The following TENM3 variants were observed in gnomAD, a reference collection of about 807,000 sequenced individuals.
The protein encoded by TENM3 is teneurin-3.
Under a neutral mutation model 255.1 loss-of-function variants are expected in TENM3, and 63 were observed. The observed-to-expected ratio is 0.25, with a 90% CI of 0.20 to 0.30. TENM3 has a LOEUF of 0.30. TENM3 is among the 10% of genes least tolerant of loss of function. TENM3 has a pLI of 1.00. For missense variants in TENM3, 2,929 were observed against 3,461.1 expected (o/e 0.85, Z 3.86); for synonymous variants, 1,306 against 1,322.3 (o/e 0.99, Z 0.27).
chr4:182,255,168 T>A (rs184337122), intron 1 of TENM3, among the ~76,000 whole-genome samples: 2 of 152,302 alleles, frequency 1.3e-5, no homozygotes, highest in East Asian at 3.9e-4. Flanking sequence ...GACAGCCCTG[T>A]GGGACCCTGT....
the TENM3 span, among the ~76,000 whole-genome samples, chr4:181,633,600 A>G: frequency 2.0e-5 from 3 of 152,174 alleles, no homozygotes; most frequent in East Asian, 1.9e-4. Flanking sequence ...AATCTAAAAG[A>G]TGTCTCTTCA....
the TENM3 span, among the ~76,000 whole-genome samples, chr4:181,773,262 T>C: frequency 6.6e-6 from 1 of 152,202 alleles, no homozygotes; most frequent in Non-Finnish European, 1.5e-5. Context: ...TCTTTCTCTT[T>C]ACTTTGTAGA....
the TENM3 span, among the ~76,000 whole-genome samples, chr4:181,520,103 G>T: frequency 6.6e-6 from 1 of 152,140 alleles, no homozygotes; most frequent in Non-Finnish European, 1.5e-5. Flanking sequence ...CTACAAGATG[G>T]TGGCAAAGCC....
intron 3 of TENM3, among the ~76,000 whole-genome samples, chr4:182,556,421 T>G (rs1017415398): frequency 1.3e-5 from 2 of 152,166 alleles, no homozygotes; most frequent in African/African-American, 4.8e-5. Context: ...GTTTATTGCA[T>G]TACAAACTCA....
At chr4:182,174,903 GAA>G (rs1344545419) in intron 1 of TENM3, among the ~76,000 whole-genome samples, 1 of 151,708 alleles carries the variant, frequency 6.6e-6, no homozygotes, top group African/African-American at 2.4e-5. Flanking sequence ...CTTTTTTAAA[GAA>G]AAGTTTTATT....
intron 1 of TENM3, among the ~76,000 whole-genome samples, chr4:182,254,325 C>T (rs1447706270): frequency 7.5e-6 from 1 of 132,598 alleles, no homozygotes; most frequent in Non-Finnish European, 1.6e-5. Flanking sequence ...AGGACTTTTT[C>T]TCTCTCTCTT....
chr4:182,341,182 C>A (rs1489367127), intron 2 of TENM3, among the ~76,000 whole-genome samples: 1 of 151,934 alleles, frequency 6.6e-6, no homozygotes, highest in East Asian at 1.9e-4. Context: ...TATTAAACAG[C>A]AAATCAAGAA....
intron 1 of TENM3, among the ~76,000 whole-genome samples, chr4:182,216,913 G>T (rs1407950659): frequency 6.6e-6 from 1 of 151,096 alleles, no homozygotes; most frequent in African/African-American, 2.4e-5. Flanking sequence ...TGTAACCAAG[G>T]TGTTTACAGA....
rs1561153366 is a variant in TENM3 at position 182,161,786 on chromosome 4, A to ATATGT, written c.-76+17032_-76+17033insTATGT. Among the ~76,000 whole-genome samples, 2 of 18,490 alleles carry ATATGT rather than the reference A, an allele frequency of 1.1e-4. 1 individual carries two copies. Among genetic ancestry groups the ATATGT allele is most frequent in the Non-Finnish European group, 2.0e-4 (2 of 9,874 alleles). The allele number at this position is 18,490 out of a possible 152,430, so 12.1% of individuals were successfully genotyped here. ...ATATATGTGTATATATATATACACA[A>ATATGT]ATATATGTATATATATACACATATA... On this transcript the variant is annotated intron_variant, in intron 1 of 2. Transcript: ENST00000512480.
chr4:181,460,432 A>G, the TENM3 span, among the ~76,000 whole-genome samples: 1 of 151,786 alleles, frequency 6.6e-6, no homozygotes, highest in Non-Finnish European at 1.5e-5. Context: ...GGAGTGTTGT[A>G]TTTTTGTATT....
the TENM3 span, among the ~76,000 whole-genome samples, chr4:181,627,476 A>G: frequency 6.6e-6 from 1 of 152,008 alleles, no homozygotes; most frequent in African/African-American, 2.4e-5. Flanking sequence ...CTAATGTTTT[A>G]CCTACCCCCT....
At chr4:182,240,778 G>A (rs1757202006), upstream of TENM3, among the ~76,000 whole-genome samples, 1 of 152,176 alleles carries the variant, frequency 6.6e-6, no homozygotes, top group Non-Finnish European at 1.5e-5. Context: ...GGAGCAGGGA[G>A]ACAGTAAGGG....
chr4:182,094,531 C>A, the TENM3 span, among the ~76,000 whole-genome samples: 1 of 152,174 alleles, frequency 6.6e-6, no homozygotes, highest in Admixed American at 6.5e-5. Context: ...CAGGCGTGAG[C>A]CACGGCACGC....
At chr4:182,355,140 G>A (rs1370907315) in intron 3 of TENM3, among the ~76,000 whole-genome samples, 1 of 152,124 alleles carries the variant, frequency 6.6e-6, no homozygotes, top group Non-Finnish European at 1.5e-5. Context: ...GGAGAGGAGA[G>A]AATGTTTCAC....
the TENM3 span, among the ~76,000 whole-genome samples, chr4:181,581,829 G>A: frequency 1.3e-5 from 2 of 151,462 alleles, no homozygotes; most frequent in African/African-American, 4.9e-5. Flanking sequence ...GCCTCCTGGA[G>A]TCAAGAGATT....
chr4:181,718,021 AACTGAGAAC>A, the TENM3 span, among the ~76,000 whole-genome samples: 3 of 152,196 alleles, frequency 2.0e-5, no homozygotes, highest in Admixed American at 2.0e-4. Context: ...ATAACTTGCT[AACTGAGAAC>A]ACTGGGCTGT....
chr4:182,023,809 C>T, the TENM3 span, among the ~76,000 whole-genome samples: 2 of 152,190 alleles, frequency 1.3e-5, no homozygotes, highest in Admixed American at 1.3e-4. Flanking sequence ...AATATATCAT[C>T]TGTACCAAAA....
intron 1 of TENM3, among the ~76,000 whole-genome samples, chr4:182,230,576 G>T (rs1756492808): frequency 6.6e-6 from 1 of 151,736 alleles, no homozygotes; most frequent in Non-Finnish European, 1.5e-5. Flanking sequence ...GTTCCAGGAA[G>T]GAAAGATGGT....
chr4:182,185,995 A>G (rs917865172), intron 1 of TENM3, among the ~76,000 whole-genome samples: 1 of 152,230 alleles, frequency 6.6e-6, no homozygotes, highest in Non-Finnish European at 1.5e-5. Context: ...AAAGTAATGG[A>G]TTCTAGCCTG....
Sources: gnomAD v4.1 joint callset for allele counts (sites outside exome capture counted in the v4.1 genomes callset) on GRCh38, gnomAD v4.1.1 for gene constraint, MANE v1.5 for transcripts, NCBI Gene and HGNC (gene_info 2026-07-23, HGNC 2026-07-21) for gene names.